COMMD10: variants seen among roughly 807,000 people sequenced by gnomAD.
COMMD10 encodes the protein COMM domain containing 10.
Under a neutral mutation model 28.9 loss-of-function variants are expected in COMMD10, and 33 were observed. That is an observed-to-expected ratio of 1.14 (90% CI 0.87 to 1.53). The LOEUF (loss-of-function observed/expected upper bound fraction) is 1.53, where lower values mean the gene tolerates loss of function less well. Among genes scored for constraint, COMMD10 ranks in the 40% most tolerant of loss-of-function variants. The probability of loss-of-function intolerance (pLI) is 0.00; values close to 1 mark genes in which losing one functional copy is unlikely to be tolerated. For synonymous variants in COMMD10, 110 were observed against 81.7 expected, an observed-to-expected ratio of 1.35 and a Z score of -1.87; for missense variants, 310 against 233.4, an observed-to-expected ratio of 1.33 and a Z score of -2.14.
chr5:116,172,518 A>G (rs540553024), intron 5 of COMMD10, among the ~76,000 whole-genome samples: 4 of 152,156 alleles, frequency 2.6e-5, no homozygotes, highest in Non-Finnish European at 5.9e-5. Flanking sequence ...TGCTCAGACT[A>G]TTGCTTTCTG....
chr5:116,217,267 A>G (rs1749130453), intron 5 of COMMD10, among the ~76,000 whole-genome samples: 1 of 151,780 alleles, frequency 6.6e-6, no homozygotes, highest in African/African-American at 2.4e-5. Context: ...GTGGTATTTC[A>G]GGCAGAACAT....
At chr5:116,171,360 A>T (rs1357925815) in intron 5 of COMMD10, among the ~76,000 whole-genome samples, 2 of 152,172 alleles carry the variant, frequency 1.3e-5, no homozygotes, top group African/African-American at 4.8e-5. Flanking sequence ...AGAAATAGAA[A>T]TGCTTTTACA....
intron 5 of COMMD10, among the ~76,000 whole-genome samples, chr5:116,152,704 A>G (rs558644457): frequency 1.3e-5 from 2 of 152,034 alleles, no homozygotes; most frequent in African/African-American, 4.8e-5. Context: ...AGAAACCAGA[A>G]GTTTTTCTCC....
At chr5:116,205,420 A>T (rs545390075) in intron 5 of COMMD10, among the ~76,000 whole-genome samples, 2 of 152,336 alleles carry the variant, frequency 1.3e-5, no homozygotes, top group East Asian at 3.9e-4. Flanking sequence ...TTCTGAAAGC[A>T]GTAATCATTC....
Position 116,122,743 on chromosome 5 carries a change from A to G in COMMD10, c.400-11325A>G, listed in dbSNP as rs552000817. ...TAGGTATTTTATTCTCTTTGAAGCA[A>G]TTGTGAATGGGAGTTCACTCATGAT... On this transcript the variant is annotated intron_variant, in intron 4 of 6. Coordinates refer to ENST00000274458, the MANE Select transcript of COMMD10 (RefSeq NM_016144.4). Among the ~76,000 whole-genome samples, 14 of 152,296 alleles carry G rather than the reference A, an allele frequency of 9.2e-5. 1 individual carries two copies. The highest frequency in any genetic ancestry group is 2.6e-4 in the African/African-American group (11 of 41,558).
At chr5:116,249,906 C>T (rs1169338649) in intron 5 of COMMD10, among the ~76,000 whole-genome samples, 1 of 151,780 alleles carries the variant, frequency 6.6e-6, no homozygotes, top group African/African-American at 2.4e-5. Flanking sequence ...ATTTAATTGT[C>T]TATGATTCAC....
At chr5:116,173,760 A>C (rs1231863238) in intron 5 of COMMD10, among the ~76,000 whole-genome samples, 5 of 152,116 alleles carry the variant, frequency 3.3e-5, no homozygotes, top group Admixed American at 2.6e-4. Flanking sequence ...TACTAACTGC[A>C]GAAGCCAAAG....
intron 5 of COMMD10, among the ~76,000 whole-genome samples, chr5:116,252,046 C>T (rs1750133497): frequency 6.7e-6 from 1 of 149,402 alleles, no homozygotes; most frequent in Non-Finnish European, 1.5e-5. Context: ...TGTCTGATGG[C>T]CAGTGATGGT....
intron 5 of COMMD10, among the ~76,000 whole-genome samples, chr5:116,163,533 G>A (rs1353647493): frequency 6.6e-6 from 1 of 151,660 alleles, no homozygotes; most frequent in Non-Finnish European, 1.5e-5. Flanking sequence ...AGGTTTCGGT[G>A]AGCCAAGATT....
At chr5:116,204,387 A>T (rs1748757700) in intron 5 of COMMD10, among the ~76,000 whole-genome samples, 1 of 152,092 alleles carries the variant, frequency 6.6e-6, no homozygotes, top group African/African-American at 2.4e-5. Flanking sequence ...GAGGCTTGTT[A>T]TTGTTTGTAA....
At chr5:116,143,176 G>A (rs527340854) in intron 5 of COMMD10, among the ~76,000 whole-genome samples, 4 of 148,470 alleles carry the variant, frequency 2.7e-5, no homozygotes, top group East Asian at 2.0e-4. Context: ...TCTGCATAAC[G>A]CAATGCAAAC....
At chr5:116,086,271 T>C (rs529891109) in intron 1 of COMMD10, among the ~76,000 whole-genome samples, 1 of 152,332 alleles carries the variant, frequency 6.6e-6, no homozygotes, top group South Asian at 2.1e-4. Flanking sequence ...TCACTTTGGT[T>C]CTGATCGCCA....
In COMMD10 at chr5:116,234,904, T is replaced by G. The variant is rs568897357; in HGVS notation, c.511-56613T>G. Among the ~76,000 whole-genome samples, 100 of 152,316 alleles carry G rather than the reference T, an allele frequency of 6.6e-4. 1 individual carries two copies. The highest frequency in any genetic ancestry group is 9.6e-4 in the Non-Finnish European group (65 of 68,026). On this transcript the variant is annotated intron_variant, in intron 5 of 6. Transcript: ENST00000274458. Reference sequence around the variant, plus strand: ...TAGGGAAAAAGGGTGACAGCTCTGCTAAGCCGCCACTTAGAAAAGAGTTGG... The same window carrying G: ...TAGGGAAAAAGGGTGACAGCTCTGCGAAGCCGCCACTTAGAAAAGAGTTGG...
At chr5:116,174,479 C>T (rs577445892) in intron 5 of COMMD10, among the ~76,000 whole-genome samples, 6 of 152,208 alleles carry the variant, frequency 3.9e-5, no homozygotes, top group African/African-American at 1.4e-4. Flanking sequence ...ATAGCTACTG[C>T]ACAGAAAACA....
chr5:116,125,372 T>C (rs554573239), intron 4 of COMMD10, among the ~76,000 whole-genome samples: 1 of 152,320 alleles, frequency 6.6e-6, no homozygotes, highest in African/African-American at 2.4e-5. Flanking sequence ...ATGTTGAACA[T>C]TGGCCCCCAC....
intron 5 of COMMD10, among the ~76,000 whole-genome samples, chr5:116,228,092 T>G (rs1403216840): frequency 6.6e-6 from 1 of 152,020 alleles, no homozygotes; most frequent in Non-Finnish European, 1.5e-5. Context: ...GTGAATACAG[T>G]TACTATGATT....
intron 5 of COMMD10, among the ~76,000 whole-genome samples, chr5:116,161,531 T>C (rs1322869063): frequency 6.6e-6 from 1 of 152,152 alleles, no homozygotes; most frequent in African/African-American, 2.4e-5. Flanking sequence ...ACTAGTTGCC[T>C]ACTGTTACCC....
intron 5 of COMMD10, among the ~76,000 whole-genome samples, chr5:116,199,632 T>C (rs1748612636): frequency 6.6e-6 from 1 of 152,204 alleles, no homozygotes; most frequent in Non-Finnish European, 1.5e-5. Flanking sequence ...TCCCTCTTTA[T>C]GTAGATCTGA....
intron 5 of COMMD10, among the ~76,000 whole-genome samples, chr5:116,206,503 T>C (rs1247661721): frequency 6.6e-6 from 1 of 151,934 alleles, no homozygotes; most frequent in Non-Finnish European, 1.5e-5. Context: ...ATACAAAAAA[T>C]TAACTGGGTG....
Sources: allele counts gnomAD v4.1 joint callset (sites outside exome capture counted in the v4.1 genomes callset), GRCh38; gene constraint gnomAD v4.1.1; transcripts MANE v1.5; gene names NCBI Gene and HGNC (gene_info 2026-07-23, HGNC 2026-07-21).